The following ASIC2 variants were observed in gnomAD, a reference collection of about 807,000 sequenced individuals.
ASIC2 encodes the protein acid-sensing ion channel 2.
A neutral mutation model predicts 57.3 loss-of-function variants in ASIC2; 25 were observed. The observed-to-expected ratio is 0.44, with a 90% CI of 0.32 to 0.61. The LOEUF (loss-of-function observed/expected upper bound fraction) is 0.61. Among genes scored for constraint, ASIC2 ranks in the 20% least tolerant of loss-of-function variants. ASIC2 has a pLI of 0.06. For synonymous variants in ASIC2, 319 were observed against 307.5 expected (o/e 1.04, Z -0.39); for missense variants, 641 against 738.1 (o/e 0.87, Z 1.52).
intron 1 of ASIC2, among the ~76,000 whole-genome samples, chr17:33,609,075 C>G (rs1272093371): frequency 6.6e-6 from 1 of 152,166 alleles, no homozygotes; most frequent in Non-Finnish European, 1.5e-5. Flanking sequence ...AAAGACATGT[C>G]TTCACTCTAT....
chr17:33,944,457 C>T (rs1027281171), intron 1 of ASIC2, among the ~76,000 whole-genome samples: 4 of 152,122 alleles, frequency 2.6e-5, no homozygotes, highest in Non-Finnish European at 4.4e-5. Context: ...GAGACTGGTG[C>T]TCACAGGGAG....
chr17:34,126,421 T>A (rs1353336368), intron 1 of ASIC2, among the ~76,000 whole-genome samples: 1 of 152,182 alleles, frequency 6.6e-6, no homozygotes, highest in East Asian at 1.9e-4. Context: ...GTGAGATCTA[T>A]GCCTGCTTTT....
chr17:33,865,405 A>G (rs1049533416), intron 1 of ASIC2, among the ~76,000 whole-genome samples: 1 of 152,184 alleles, frequency 6.6e-6, no homozygotes, highest in African/African-American at 2.4e-5. Flanking sequence ...TAAAAATTCA[A>G]CAGTACAGAC....
intron 1 of ASIC2, among the ~76,000 whole-genome samples, chr17:33,550,269 A>G (rs927480784): frequency 6.6e-6 from 1 of 152,216 alleles, no homozygotes; most frequent in Non-Finnish European, 1.5e-5. Context: ...TGTTGTTCTA[A>G]AGTCAACTTT....
chr17:34,148,557 T>C lies in ASIC2; in HGVS notation c.555+7421A>G, dbSNP rs369273520. On this transcript the variant is annotated intron_variant, in intron 1 of 9. Coordinates refer to the ASIC2 transcript ENST00000359872. ...CCATTTTGACATAGAATCTAGAGAC[T>C]TTACAGACGGGAGAGTCAGGATCTA... Among the ~76,000 whole-genome samples, 195 of 152,286 alleles carry C rather than the reference T, an allele frequency of 1.3e-3. 5 individuals carry two copies. The South Asian group carries it at 0.039, about 30-fold the overall frequency.
At position 33,906,968 on chromosome 17, in the gene ASIC2, G is replaced by A. The variant is rs1034329054; in HGVS notation, c.555+249010C>T. Among the ~76,000 whole-genome samples, 3 of 152,174 alleles carry A rather than the reference G, an allele frequency of 2.0e-5. No individual in the cohort carries two copies. In the East Asian group the frequency reaches 5.8e-4, roughly 29 times the overall value. On this transcript the variant is annotated intron_variant, in intron 1 of 9. Coordinates refer to the ASIC2 transcript ENST00000359872. ...CATGGCTGTTTGATTTCTTGGGCAG[G>A]GTCTCCTTTCAATCAGCTGAAAGAT...
chr17:33,576,117 G>T lies in ASIC2; in HGVS notation c.556-464050C>A, dbSNP rs556650062. Among the ~76,000 whole-genome samples, 3 of 152,212 alleles carry T rather than the reference G, an allele frequency of 2.0e-5. No homozygotes were observed. In the East Asian group the frequency reaches 5.8e-4, roughly 29 times the overall value. ...CTCACCTTCTCTCTACCTTTTCTTAGAAGTCCGCCTAGACCAGACTGACCT... is the reference window on the plus strand; with the variant it reads ...CTCACCTTCTCTCTACCTTTTCTTATAAGTCCGCCTAGACCAGACTGACCT... On this transcript the variant is annotated intron_variant, in intron 1 of 9. Coordinates refer to the ASIC2 transcript ENST00000359872.
At chr17:33,288,414 T>C (rs1435619594) in intron 1 of ASIC2, among the ~76,000 whole-genome samples, 1 of 152,042 alleles carries the variant, frequency 6.6e-6, no homozygotes, top group Non-Finnish European at 1.5e-5. Context: ...TTGGGAGCTG[T>C]TCTGTAGACC....
At chr17:33,935,185 AC>A (rs1263962565) in intron 1 of ASIC2, among the ~76,000 whole-genome samples, 1 of 152,190 alleles carries the variant, frequency 6.6e-6, no homozygotes, top group African/African-American at 2.4e-5. Context: ...CATCTGGAAC[AC>A]CCTGCCCTTT....
chr17:33,687,595 C>T (rs1908235841), intron 1 of ASIC2, among the ~76,000 whole-genome samples: 1 of 152,162 alleles, frequency 6.6e-6, no homozygotes, highest in African/African-American at 2.4e-5. Flanking sequence ...TATTGTGCCC[C>T]AGCCCACGCA....
chr17:33,853,332 A>T (rs1021974033), intron 1 of ASIC2, among the ~76,000 whole-genome samples: 19 of 152,164 alleles, frequency 1.2e-4, no homozygotes, highest in African/African-American at 4.3e-4. Context: ...GAAAGGGCTC[A>T]CCCGGCCTGG....
intron 1 of ASIC2, among the ~76,000 whole-genome samples, chr17:33,446,795 A>G (rs1912037367): frequency 6.6e-6 from 1 of 152,222 alleles, no homozygotes; most frequent in African/African-American, 2.4e-5. Context: ...CCTAGTCAAA[A>G]GAACACAAAT....
At chr17:33,423,045 AGGTGGTG>A (rs1188845656) in intron 1 of ASIC2, among the ~76,000 whole-genome samples, 1 of 152,050 alleles carries the variant, frequency 6.6e-6, no homozygotes, top group East Asian at 1.9e-4. Flanking sequence ...TGTAGTGGGG[AGGTGGTG>A]GTGGGAGTGG....
chr17:34,099,107 AGAGAGAGAGAGAGAGAGAG>A (rs1910654593), intron 1 of ASIC2, among the ~76,000 whole-genome samples: 1 of 22,798 alleles, frequency 4.4e-5, no homozygotes, highest in African/African-American at 1.6e-4. Flanking sequence ...GAGAAAAGAG[AGAGAGAGAGAGAGAGAGAG>A]AGAGAGAGAG....
intron 1 of ASIC2, among the ~76,000 whole-genome samples, chr17:33,554,974 C>G (rs1262296669): frequency 1.3e-5 from 2 of 152,080 alleles, no homozygotes; most frequent in African/African-American, 4.8e-5. Context: ...TCCCAGTACT[C>G]TCAATGACTC....
intron 1 of ASIC2, among the ~76,000 whole-genome samples, chr17:33,217,376 T>C (rs1907531009): frequency 6.6e-6 from 1 of 152,344 alleles, no homozygotes; most frequent in Non-Finnish European, 1.5e-5. Context: ...GATTTGCTTT[T>C]GTATATTTGT....
chr17:33,213,060 T>C (rs1263572355), intron 1 of ASIC2, among the ~76,000 whole-genome samples: 24 of 152,244 alleles, frequency 1.6e-4, no homozygotes. Flanking sequence ...ATTGAGCCCA[T>C]TAAAAGAGCA....
chr17:33,139,566 T>A (rs1021565303), intron 1 of ASIC2, among the ~76,000 whole-genome samples: 6 of 152,094 alleles, frequency 3.9e-5, no homozygotes, highest in Admixed American at 1.3e-4. Context: ...GCCCCCAACA[T>A]CTCTTATCTG....
At chr17:33,224,262 T>C (rs1258731566) in intron 1 of ASIC2, among the ~76,000 whole-genome samples, 1 of 152,216 alleles carries the variant, frequency 6.6e-6, no homozygotes, top group African/African-American at 2.4e-5. Flanking sequence ...GAATTATTCA[T>C]GAGGCCAGAT....
Sources: gnomAD v4.1 joint callset for allele counts (sites outside exome capture counted in the v4.1 genomes callset) on GRCh38, gnomAD v4.1.1 for gene constraint, MANE v1.5 for transcripts, NCBI Gene and HGNC (gene_info 2026-07-23, HGNC 2026-07-21) for gene names.